PCDHGA5: variants seen among roughly 807,000 people sequenced by gnomAD.
The protein encoded by PCDHGA5 is protocadherin gamma subfamily A, 5.
PCDHGA5 carries 36 observed loss-of-function variants against 56.7 expected under a neutral mutation model. That is an observed-to-expected ratio of 0.64 (90% CI 0.49 to 0.84). The LOEUF (loss-of-function observed/expected upper bound fraction) is 0.84. Among genes scored for constraint, PCDHGA5 ranks in the 40% least tolerant of loss-of-function variants. The probability of loss-of-function intolerance (pLI) is 0.00; values close to 1 mark genes in which losing one functional copy is unlikely to be tolerated. For missense variants in PCDHGA5, 1,305 were observed against 1,201.5 expected, an observed-to-expected ratio of 1.09 and a Z score of -1.27; for synonymous variants, 563 against 520.2, an observed-to-expected ratio of 1.08 and a Z score of -1.12.
chr5:141,447,161 C>T (rs1432238455), intron 1 of PCDHGA5, among the ~76,000 whole-genome samples: 1 of 151,728 alleles, frequency 6.6e-6, no homozygotes, highest in East Asian at 1.9e-4. Flanking sequence ...TTTGTTTAAG[C>T]GGGGTCTTGC....
At chr5:141,388,278 A>C (rs769879098) in intron 1 of PCDHGA5, 2 of 1,613,384 alleles carry the variant, frequency 1.2e-6, no homozygotes, top group African/African-American at 2.7e-5. Context: ...CCACACGCCA[A>C]AATTCACGCA....
At chr5:141,429,385 T>A (rs1274446916) in intron 1 of PCDHGA5, among the ~76,000 whole-genome samples, 1 of 151,844 alleles carries the variant, frequency 6.6e-6, no homozygotes, top group Non-Finnish European at 1.5e-5. Flanking sequence ...GTGTTTTTTT[T>A]TTAAAAAAAA....
chr5:141,454,618 C>T (rs1259161504), intron 1 of PCDHGA5, among the ~76,000 whole-genome samples: 1 of 151,470 alleles, frequency 6.6e-6, no homozygotes, highest in Non-Finnish European at 1.5e-5. Flanking sequence ...GTTGGTCAGG[C>T]TGGTCTCGAA....
In PCDHGA5 at chr5:141,431,561, G is replaced by T; in HGVS notation, c.2422-63246G>T. The T allele has an allele frequency of 6.2e-7, 1 of 1,614,146 alleles. No homozygotes were observed. On this transcript the variant is annotated intron_variant, in intron 1 of 3. Transcript: ENST00000518069. This position sits in a 1 kb window ranked among gnomAD's most constrained non-coding sequence, Gnocchi z 4.8. Reference sequence around the variant, plus strand: ...GCAGCTGCTTGTAGTCAACGCTACCGACCCTGACGAAGGAGTCAATGCGGA... The same window carrying T: ...GCAGCTGCTTGTAGTCAACGCTACCTACCCTGACGAAGGAGTCAATGCGGA...
At chr5:141,383,503 C>T (rs751472631) in intron 1 of PCDHGA5, 24 of 1,612,654 alleles carry the variant, frequency 1.5e-5, no homozygotes, top group East Asian at 2.2e-5. Context: ...GGTGCTGGAC[C>T]GGGAGGAAGA....
chr5:141,485,786 C>A lies in PCDHGA5; in HGVS notation c.2422-9021C>A. On this transcript the variant is annotated intron_variant, in intron 1 of 3. Transcript: ENST00000518069. This position sits in a 1 kb window ranked among gnomAD's most constrained non-coding sequence, Gnocchi z 5.7. ...GGAGAAGCCTTTGGATCGAGAGAAG[C>A]AATCGGACTACCGCCTGGTGCTGAC... 1 of 1,614,208 alleles carries A rather than the reference C, an allele frequency of 6.2e-7. No individual in the cohort carries two copies. The highest frequency in any genetic ancestry group is 1.3e-5 in the African/African-American group (1 of 75,062).
In PCDHGA5 at chr5:141,489,633, T is replaced by C. The variant is rs1298084961; in HGVS notation, c.2422-5174T>C. On this transcript the variant is annotated intron_variant, in intron 1 of 3. Coordinates refer to ENST00000518069, the MANE Select transcript of PCDHGA5 (RefSeq NM_018918.3). The surrounding 1 kb of genome is among the most constrained non-coding windows in gnomAD (Gnocchi z 4.5). ...TCCTGGATCTCAATGACAACTCTCC[T>C]AGCTTTGCCACCCCTGAGCGAGAGA... The C allele has an allele frequency of 6.2e-7, 1 of 1,614,160 alleles. No individual in the cohort carries two copies. Among genetic ancestry groups the C allele is most frequent in the South Asian group, 1.1e-5 (1 of 91,086 alleles).
At chr5:141,390,424 T>C (rs1175804708) in intron 1 of PCDHGA5, 23 of 1,041,938 alleles carry the variant, frequency 2.2e-5, no homozygotes, top group Non-Finnish European at 3.0e-5. Flanking sequence ...GTTAAAAAGC[T>C]GTCATATCAT....
intron 3 of PCDHGA5, among the ~76,000 whole-genome samples, chr5:141,507,760 T>G (rs2099863136): frequency 6.6e-6 from 1 of 152,202 alleles, no homozygotes; most frequent in Non-Finnish European, 1.5e-5. Context: ...GCCTCCCACC[T>G]TTGGCCCACA....
chr5:141,500,491 G>A (rs1595677531), intron 2 of PCDHGA5, among the ~76,000 whole-genome samples: 1 of 152,156 alleles, frequency 6.6e-6, no homozygotes, highest in East Asian at 1.9e-4. Context: ...TTACAGGCGT[G>A]AGCCACCGCG....
At chr5:141,446,502 A>G (rs1178198384) in intron 1 of PCDHGA5, among the ~76,000 whole-genome samples, 5 of 150,732 alleles carry the variant, frequency 3.3e-5, no homozygotes, top group Non-Finnish European at 7.4e-5. Context: ...TTTGAGATGG[A>G]GTCTCGCTCT....
rs1588712478 is a variant in PCDHGA5 at position 141,372,895 on chromosome 5, T to G, written c.2421+6144T>G. On this transcript the variant is annotated intron_variant, in intron 1 of 3. Transcript: ENST00000518069. ...AGATAAAAAGAATACAGATTAAATA[T>G]TCCCTGATTACATTATTTTATTGAT... 5 of 1,115,450 alleles carry G rather than the reference T, an allele frequency of 4.5e-6. No individual in the cohort carries two copies. The East Asian group carries it at 1.3e-4, about 29-fold the overall frequency. The allele number at this position is 1,115,450 out of a possible 1,614,324, so 69.1% of individuals were successfully genotyped here.
At chr5:141,371,794 C>T (rs776687123) in intron 1 of PCDHGA5, 2 of 1,613,950 alleles carry the variant, frequency 1.2e-6, no homozygotes, top group South Asian at 2.2e-5. Context: ...AACAATCCGC[C>T]TGGAGCCTCC....
In PCDHGA5 at chr5:141,505,352, C is replaced by T. The variant is rs371829394; in HGVS notation, c.2481-41C>T. 1.5e-5 allele frequency: 25 copies of T among 1,613,302 alleles called. No individual in the cohort carries two copies. In the South Asian group the frequency reaches 2.7e-4, roughly 18 times the overall value. ...AGGACAGGAGGGGCATGAGCTGTGCCGGCCTGGGAGTCTGTGCTCACCATC... is the reference window on the plus strand; with the variant it reads ...AGGACAGGAGGGGCATGAGCTGTGCTGGCCTGGGAGTCTGTGCTCACCATC... On this transcript the variant is annotated intron_variant, in intron 2 of 3. Transcript: ENST00000518069.
At chr5:141,409,331 G>A (rs1447189643) in intron 1 of PCDHGA5, 1 of 1,613,818 alleles carries the variant, frequency 6.2e-7, no homozygotes, top group African/African-American at 1.3e-5. Context: ...TCTGGATTTC[G>A]GAGGAAATGG....
chr5:141,445,075 A>G (rs1251499929), intron 1 of PCDHGA5, among the ~76,000 whole-genome samples: 1 of 152,170 alleles, frequency 6.6e-6, no homozygotes, highest in East Asian at 1.9e-4. Context: ...TTCTCATTAA[A>G]TTGTCCCTAC....
At chr5:141,419,273 G>A (rs751868316) in intron 1 of PCDHGA5, 2 of 1,614,034 alleles carry the variant, frequency 1.2e-6, no homozygotes, top group South Asian at 1.1e-5. Flanking sequence ...TGCCTCCATA[G>A]CGCAAGTCAG....
At chr5:141,371,042 T>C in intron 1 of PCDHGA5, 1 of 1,613,964 alleles carries the variant, frequency 6.2e-7, no homozygotes, top group Non-Finnish European at 8.5e-7. Flanking sequence ...CAGCTGTGGA[T>C]GGGGGCGAGC....
chr5:141,404,072 C>G, intron 1 of PCDHGA5: 3 of 1,613,626 alleles, frequency 1.9e-6, no homozygotes, highest in Non-Finnish European at 2.5e-6. Context: ...TGCTCATGAC[C>G]GAGACTCCGG....
Sources: allele counts gnomAD v4.1 joint callset (sites outside exome capture counted in the v4.1 genomes callset), GRCh38; gene constraint gnomAD v4.1.1; non-coding constraint Gnocchi (gnomAD v3.1); transcripts MANE v1.5; gene names NCBI Gene and HGNC (gene_info 2026-07-23, HGNC 2026-07-21).